SLC4A4: variants seen among roughly 807,000 people sequenced by gnomAD.
SLC4A4 encodes electrogenic sodium bicarbonate cotransporter 1.
In SLC4A4, 27 loss-of-function variants were observed where a neutral mutation model predicts 111.5. The observed-to-expected ratio is 0.24, with a 90% CI of 0.18 to 0.33. The LOEUF is 0.33. Ranked by LOEUF, SLC4A4 falls within the 10% of genes least tolerant of loss-of-function variation. SLC4A4 has a pLI of 1.00. For missense variants in SLC4A4, 909 were observed against 1,315.5 expected (o/e 0.69, Z 4.78); for synonymous variants, 443 against 463.4 (o/e 0.96, Z 0.57).
chr4:71,514,290 G>T (rs1163444105), intron 16 of SLC4A4, among the ~76,000 whole-genome samples: 1 of 152,052 alleles, frequency 6.6e-6, no homozygotes, highest in Non-Finnish European at 1.5e-5. Flanking sequence ...GTTCTCACAA[G>T]ATCTGGTCAT....
intron 3 of SLC4A4, among the ~76,000 whole-genome samples, chr4:71,274,275 T>C (rs1722910892): frequency 6.6e-6 from 1 of 152,000 alleles, no homozygotes; most frequent in South Asian, 2.1e-4. Context: ...TGACATTGAG[T>C]AGGCTGAGGA....
At chr4:71,447,916 A>G (rs976416226) in intron 9 of SLC4A4, among the ~76,000 whole-genome samples, 183 bp downstream of exon 9, 34 of 152,348 alleles carry the variant, frequency 2.2e-4, no homozygotes, top group African/African-American at 7.9e-4. Flanking sequence ...TAAGGCATGC[A>G]TTTTGGTTTT....
chr4:71,479,207 A>G (rs1728645099), intron 14 of SLC4A4, among the ~76,000 whole-genome samples: 1 of 151,776 alleles, frequency 6.6e-6, no homozygotes, highest in East Asian at 1.9e-4. Context: ...ATTCTTTCTC[A>G]GGAACCAAGT....
chr4:71,152,862 C>G (rs530789764), intron 2 of SLC4A4, among the ~76,000 whole-genome samples: 1 of 151,454 alleles, frequency 6.6e-6, no homozygotes, highest in Admixed American at 6.6e-5. Flanking sequence ...TGCTCATTCA[C>G]TAAATAAAAG....
At chr4:71,518,791 G>A (rs1284496091) in intron 16 of SLC4A4, among the ~76,000 whole-genome samples, 3 of 152,320 alleles carry the variant, frequency 2.0e-5, no homozygotes, top group African/African-American at 7.2e-5. Flanking sequence ...CAGGCCAGGA[G>A]CATGGGATTG....
intron 7 of SLC4A4, among the ~76,000 whole-genome samples, chr4:71,399,312 C>A (rs1720132764): frequency 6.6e-6 from 1 of 151,788 alleles, no homozygotes; most frequent in Non-Finnish European, 1.5e-5. Flanking sequence ...TTCAAGAAGC[C>A]ATATTCATGA....
chr4:71,108,440 G>A (rs1677770858), intron 2 of SLC4A4, among the ~76,000 whole-genome samples: 1 of 152,102 alleles, frequency 6.6e-6, no homozygotes, highest in African/African-American at 2.4e-5. Context: ...GTTTCTTTTA[G>A]CACTTTAAAC....
intron 2 of SLC4A4, among the ~76,000 whole-genome samples, chr4:71,178,405 A>G (rs1578555328): frequency 6.6e-6 from 1 of 152,330 alleles, no homozygotes; most frequent in East Asian, 1.9e-4. Flanking sequence ...CAAAAAATCA[A>G]TGAATCCAGG....
chr4:71,262,092 G>T (rs909737765), intron 3 of SLC4A4, among the ~76,000 whole-genome samples: 1 of 152,186 alleles, frequency 6.6e-6, no homozygotes, highest in African/African-American at 2.4e-5. Context: ...AAATTTACAA[G>T]GCAGGAAGCT....
rs556941794 is a variant in SLC4A4, at chr4:71,455,326, G to A, written c.1497+1657G>A. Among the ~76,000 whole-genome samples, 5 of 152,288 alleles carry A rather than the reference G, an allele frequency of 3.3e-5. 1 individual carries two copies. The highest frequency in any genetic ancestry group is 1.2e-4 in the African/African-American group (5 of 41,570). ...ATAGGACATAGAGATGAAATAGACAGAGCATGTTTTTCTCCTTTTCCCTCA... is the reference window on the plus strand; with the variant it reads ...ATAGGACATAGAGATGAAATAGACAAAGCATGTTTTTCTCCTTTTCCCTCA... On this transcript the variant is annotated intron_variant, in intron 12 of 25. Transcript: ENST00000264485.
rs1009070496 is a variant in SLC4A4 at position 71,502,240 on chromosome 4, C to A, written c.2166+4548C>A. Among the ~76,000 whole-genome samples, 6 of 152,320 alleles carry A rather than the reference C, an allele frequency of 3.9e-5. No homozygotes were observed. The East Asian group carries it at 1.2e-3, about 29-fold the overall frequency. ...CCTCCCAAAGTGTTGGGATTACTGG[C>A]GAGAGCCACTGCACCCCGGCTGATT... On this transcript the variant is annotated intron_variant, in intron 16 of 25. Coordinates refer to ENST00000264485, the MANE Select transcript of SLC4A4 (RefSeq NM_001098484.3).
In SLC4A4 at chr4:71,497,543, G is replaced by T; in HGVS notation, c.2017G>T (p.Glu673Ter). Residue 673 changes from glutamate to a stop codon, truncating the protein, a stop_gained, in exon 16 of 26, where the codon GAG becomes TAG. Transcript: ENST00000264485. LOFTEE classifies it high-confidence loss of function. The stretch of plus-strand genomic sequence containing the variant: ...TGACTGGGCATTTTTGTCGAAGAAG[G>T]AGTGTTCAAAATACGGAGGAAACCT... ...TFDWAFLSKK[E>*]CSKYGGNLVG... 3 of 1,613,590 alleles carry T rather than the reference G, an allele frequency of 1.9e-6. No individual in the cohort carries two copies. Among genetic ancestry groups the T allele is most frequent in the Non-Finnish European group, 1.7e-6 (2 of 1,179,772 alleles).
intron 3 of SLC4A4, among the ~76,000 whole-genome samples, chr4:71,295,646 TCTC>T (rs1290657511): frequency 6.6e-6 from 1 of 151,072 alleles, no homozygotes. Flanking sequence ...TCTCCTCTCC[TCTC>T]CTCTTCTTTT....
At chr4:71,225,350 T>TAA (rs74266859) in intron 1 of SLC4A4, among the ~76,000 whole-genome samples, 1 of 144,324 alleles carries the variant, frequency 6.9e-6, no homozygotes. Context: ...AGACTCCGTT[T>TAA]AAAAAAAAAA....
At chr4:71,232,841 G>A (rs939580212) in intron 1 of SLC4A4, among the ~76,000 whole-genome samples, 1 of 152,232 alleles carries the variant, frequency 6.6e-6, no homozygotes, top group Non-Finnish European at 1.5e-5. Context: ...TAATAGTGGG[G>A]TGCAGAAATG....
chr4:71,338,504 T>C (rs1256449408), intron 3 of SLC4A4, among the ~76,000 whole-genome samples: 3 of 151,826 alleles, frequency 2.0e-5, no homozygotes, highest in Admixed American at 2.0e-4. Context: ...CTGCTTTTCT[T>C]TCTCTCTCTC....
chr4:71,228,583 T>A (rs1406366068), intron 1 of SLC4A4, among the ~76,000 whole-genome samples: 3 of 152,238 alleles, frequency 2.0e-5, no homozygotes, highest in Non-Finnish European at 4.4e-5. Context: ...ACACACAAAG[T>A]GTGCATCTGG....
At chr4:71,332,163 C>T (rs1396618659) in intron 3 of SLC4A4, among the ~76,000 whole-genome samples, 3 of 151,916 alleles carry the variant, frequency 2.0e-5, no homozygotes, top group Admixed American at 6.5e-5. Flanking sequence ...TTTAAAATTT[C>T]ATTTATTCAT....
chr4:71,440,413 A>G (rs1478928242), intron 7 of SLC4A4, among the ~76,000 whole-genome samples: 1 of 152,228 alleles, frequency 6.6e-6, no homozygotes, highest in Non-Finnish European at 1.5e-5. Context: ...AATTCAAGGT[A>G]CAGATAAATG....
Sources: allele counts gnomAD v4.1 joint callset (sites outside exome capture counted in the v4.1 genomes callset), GRCh38; gene constraint gnomAD v4.1.1; transcripts MANE v1.5; gene names NCBI Gene and HGNC (gene_info 2026-07-23, HGNC 2026-07-21).